Variants in RHOH observed in about 807,000 individuals in gnomAD.
RHOH encodes the protein rho-related GTP-binding protein RhoH.
RHOH carries 6 observed loss-of-function variants against 13.8 expected under a neutral mutation model. That is an observed-to-expected ratio of 0.44 (90% CI 0.24 to 0.86). The LOEUF (loss-of-function observed/expected upper bound fraction) is 0.86. Ranked by LOEUF, RHOH falls within the 40% of genes least tolerant of loss-of-function variation. The pLI is 0.24. For synonymous variants in RHOH, 117 were observed against 103.0 expected (o/e 1.14, Z -0.82); for missense variants, 147 against 244.5 (o/e 0.60, Z 2.66).
At position 40,203,003 on chromosome 4, in the gene RHOH, G is replaced by A. The variant is rs191990677; in HGVS notation, c.-331+5703G>A. On this transcript the variant is annotated intron_variant, in intron 1 of 2. Coordinates refer to ENST00000381799, the MANE Select transcript of RHOH (RefSeq NM_004310.5). ...TTTTTATTTTTTGAGATGGAGTCTC[G>A]CTCTGTTGCCCAGGCTGGAGTGCAG... Among the ~76,000 whole-genome samples the A allele has an allele frequency of 1.2e-3, 175 of 151,598 alleles. 2 individuals are homozygous for A. The highest frequency in any genetic ancestry group is 0.01 in the Middle Eastern group (3 of 292).
chr4:40,202,776 T>C (rs1406693470), intron 1 of RHOH, among the ~76,000 whole-genome samples: 1 of 151,924 alleles, frequency 6.6e-6, no homozygotes, highest in Non-Finnish European at 1.5e-5. Flanking sequence ...AAAACTACCA[T>C]CAAAGGCCAG....
chr4:40,194,962 T>C (rs1019524344), upstream of RHOH, among the ~76,000 whole-genome samples: 15 of 152,172 alleles, frequency 9.9e-5, no homozygotes, highest in Non-Finnish European at 4.4e-5. Context: ...ATCTCAGCAC[T>C]GGGGAGCCAG....
At chr4:40,198,041 T>G (rs1376145468) in intron 1 of RHOH, among the ~76,000 whole-genome samples, 1 of 152,198 alleles carries the variant, frequency 6.6e-6, no homozygotes, top group Non-Finnish European at 1.5e-5. Flanking sequence ...AGAGAAATAT[T>G]TTAAAAATCT....
upstream of RHOH, among the ~76,000 whole-genome samples, chr4:40,194,813 T>C (rs1045281447): frequency 2.0e-5 from 3 of 152,206 alleles, no homozygotes; most frequent in Non-Finnish European, 2.9e-5. Context: ...TTCGGTGAGA[T>C]GCAATCAGCA....
intron 1 of RHOH, among the ~76,000 whole-genome samples, chr4:40,217,276 A>T (rs1012663087): frequency 6.6e-6 from 1 of 152,218 alleles, no homozygotes. Flanking sequence ...TCTTAAAGTG[A>T]CTATCCAGTG....
intron 1 of RHOH, among the ~76,000 whole-genome samples, chr4:40,231,816 G>A (rs572129098): frequency 3.8e-4 from 58 of 152,344 alleles, no homozygotes; most frequent in South Asian, 6.2e-4. Flanking sequence ...ACAAGAATGA[G>A]CTTCCTACAG....
At chr4:40,220,682 T>G (rs2109450874) in intron 1 of RHOH, among the ~76,000 whole-genome samples, 1 of 152,342 alleles carries the variant, frequency 6.6e-6, no homozygotes, top group South Asian at 2.1e-4. Flanking sequence ...TTCTGCCCCA[T>G]TAGGCTCCTT....
chr4:40,199,435 G>A (rs1407191802), intron 1 of RHOH, among the ~76,000 whole-genome samples: 1 of 152,182 alleles, frequency 6.6e-6, no homozygotes, highest in East Asian at 1.9e-4. Flanking sequence ...ATATGGACAA[G>A]GCACAGGGGT....
chr4:40,216,136 A>ATTTT (rs35028517), intron 1 of RHOH, among the ~76,000 whole-genome samples: 85 of 132,570 alleles, frequency 6.4e-4, no homozygotes, highest in East Asian at 2.8e-3. Flanking sequence ...GACAGTTGCT[A>ATTTT]TTTTTTTTTT....
upstream of RHOH, among the ~76,000 whole-genome samples, chr4:40,195,966 A>G (rs139503769): frequency 3.3e-5 from 5 of 152,274 alleles, no homozygotes; most frequent in African/African-American, 9.6e-5. Context: ...ATCTGCTTTC[A>G]CTTCTTTGAA....
chr4:40,206,510 C>G (rs1724654994), intron 1 of RHOH, among the ~76,000 whole-genome samples: 1 of 152,240 alleles, frequency 6.6e-6, no homozygotes, highest in East Asian at 1.9e-4. Context: ...TTTAAGGGGC[C>G]TAAAAGTCCC....
rs144068777 is a variant in RHOH at position 40,243,193 on chromosome 4, T to G, written c.-194T>G. The G allele has an allele frequency of 5.3e-4, 261 of 488,072 alleles. 3 individuals carry two copies. The East Asian group carries it at 8.2e-3, about 15-fold the overall frequency. The allele number at this position is 488,072 out of a possible 1,614,324, so 30.2% of individuals were successfully genotyped here. Reference sequence around the variant, plus strand: ...TCTGTTCCAGTTGAAGACTAGGCTTTGGAGGTTTTCAAAGCAGACGGTGCT... The same window carrying G: ...TCTGTTCCAGTTGAAGACTAGGCTTGGGAGGTTTTCAAAGCAGACGGTGCT... On this transcript the variant is annotated 5_prime_UTR_variant, in exon 3 of 3. Coordinates refer to ENST00000381799, the MANE Select transcript of RHOH (RefSeq NM_004310.5). This position sits in a 1 kb window ranked among gnomAD's most constrained non-coding sequence, Gnocchi z 6.2.
chr4:40,199,287 T>A (rs2109350279), intron 1 of RHOH, among the ~76,000 whole-genome samples: 1 of 152,326 alleles, frequency 6.6e-6, no homozygotes, highest in Non-Finnish European at 1.5e-5. Flanking sequence ...ACTTGGCTAT[T>A]GCCACAAATG....
At chr4:40,235,217 C>G (rs982351154) in intron 1 of RHOH, 1 of 152,198 alleles carries the variant, frequency 6.6e-6, no homozygotes, top group Non-Finnish European at 1.5e-5. Context: ...CGTGGGTATA[C>G]AGCTTGGTGG....
At chr4:40,197,714 A>G (rs1579216921) in intron 1 of RHOH, among the ~76,000 whole-genome samples, 1 of 152,362 alleles carries the variant, frequency 6.6e-6, no homozygotes, top group East Asian at 1.9e-4. Flanking sequence ...ACCGAAGTCT[A>G]AATGATGTAG....
rs1297327674 is a variant in RHOH at position 40,243,016 on chromosome 4, GC to G, written c.-209-161del. ...GTGTGTTGGGGGAAGACAGATCTAA[GC>G]TCTCCCTGTGAGGGGAAGAGTGGAT... is the stretch of plus-strand genomic sequence containing the variant. On this transcript the variant is annotated intron_variant, in intron 2 of 2. Coordinates refer to ENST00000381799, the MANE Select transcript of RHOH (RefSeq NM_004310.5). The surrounding 1 kb of genome is among the most constrained non-coding windows in gnomAD (Gnocchi z 6.2). The G allele has an allele frequency of 5.2e-6, 1 of 190,566 alleles. No homozygotes were observed. Among genetic ancestry groups the G allele is most frequent in the African/African-American group, 2.4e-5 (1 of 41,570 alleles). 11.8% of individuals were successfully genotyped at this position (190,566 alleles called of 1,614,324 possible). A position where few individuals can be genotyped will look rare whatever the true frequency, so the allele number is the denominator to read the frequency against.
intron 1 of RHOH, among the ~76,000 whole-genome samples, chr4:40,230,826 T>C: frequency 6.6e-6 from 1 of 151,672 alleles, no homozygotes; most frequent in South Asian, 2.1e-4. Context: ...GAATCAGAAG[T>C]TGGAGTTAGT....
At chr4:40,242,214 G>A (rs79539994) in intron 1 of RHOH, among the ~76,000 whole-genome samples, 1,691 of 152,328 alleles carry the variant, frequency 0.011, 34 homozygotes, top group African/African-American at 0.038. Flanking sequence ...AATTTATTTG[G>A]CCTTTAATGA....
intron 1 of RHOH, among the ~76,000 whole-genome samples, chr4:40,241,484 C>A (rs1002610133): frequency 6.6e-5 from 10 of 152,190 alleles, no homozygotes; most frequent in African/African-American, 2.4e-4. Context: ...ACCTGGCTTA[C>A]ATGTGTTTAA....
Sources: allele counts gnomAD v4.1 joint callset (sites outside exome capture counted in the v4.1 genomes callset), GRCh38; gene constraint gnomAD v4.1.1; non-coding constraint Gnocchi (gnomAD v3.1); transcripts MANE v1.5; gene names NCBI Gene and HGNC (gene_info 2026-07-23, HGNC 2026-07-21).